The following MED13L variants were observed in gnomAD, a reference collection of about 807,000 sequenced individuals.
The protein encoded by MED13L is mediator complex subunit 13L, also known as mediator of RNA polymerase II transcription subunit 13-like.
In MED13L, 7 loss-of-function variants were observed where a neutral mutation model predicts 220.9. That is an observed-to-expected ratio of 0.03 (90% CI 0.02 to 0.06). MED13L has a LOEUF of 0.06. Ranked by LOEUF, MED13L falls within the 10% of genes least tolerant of loss-of-function variation. The probability of loss-of-function intolerance (pLI) is 1.00; values close to 1 mark genes in which losing one functional copy is unlikely to be tolerated. For synonymous variants in MED13L, 1,011 were observed against 1,015.2 expected (o/e 1.00, Z 0.08); for missense variants, 1,965 against 2,760.5 (o/e 0.71, Z 6.46).
intron 4 of MED13L, among the ~76,000 whole-genome samples, chr12:116,034,076 ACCCC>A (rs1274092775): frequency 2.6e-5 from 4 of 151,792 alleles, no homozygotes; most frequent in Admixed American, 6.6e-5. Context: ...TGTTCATCTA[ACCCC>A]TATTTATATT....
At chr12:116,092,418 G>A (rs1416887832) in intron 4 of MED13L, among the ~76,000 whole-genome samples, 2 of 152,190 alleles carry the variant, frequency 1.3e-5, no homozygotes, top group East Asian at 3.8e-4. Flanking sequence ...AACAGGGCAG[G>A]TTTGCCCATG....
At chr12:116,179,605 T>G (rs1251032543) in intron 2 of MED13L, among the ~76,000 whole-genome samples, 2 of 152,024 alleles carry the variant, frequency 1.3e-5, no homozygotes, top group East Asian at 3.9e-4. Context: ...CATTCAAGAC[T>G]GTCTCCAAAA....
intron 14 of MED13L, among the ~76,000 whole-genome samples, chr12:116,001,043 A>G (rs1005015491): frequency 6.6e-6 from 1 of 152,106 alleles, no homozygotes; most frequent in Non-Finnish European, 1.5e-5. Context: ...ACATGTAAAA[A>G]TAATATTTTG....
At chr12:116,102,128 T>C (rs1873110146) in intron 3 of MED13L, among the ~76,000 whole-genome samples, 2 of 152,062 alleles carry the variant, frequency 1.3e-5, no homozygotes, top group South Asian at 4.1e-4. Flanking sequence ...TGCTGAAAAA[T>C]GAAAATGAAA....
intron 2 of MED13L, among the ~76,000 whole-genome samples, chr12:116,228,100 G>A (rs1869183254): frequency 6.6e-6 from 1 of 151,994 alleles, no homozygotes; most frequent in South Asian, 2.1e-4. Context: ...TCCAGAACAA[G>A]GCACAAACTC....
chr12:116,233,727 G>A (rs1250941370), intron 2 of MED13L, among the ~76,000 whole-genome samples: 1 of 152,152 alleles, frequency 6.6e-6, no homozygotes, highest in African/African-American at 2.4e-5. Context: ...CACAGTTTAA[G>A]TTAAATAATT....
At chr12:116,053,971 G>A (rs1168254699) in intron 4 of MED13L, among the ~76,000 whole-genome samples, 1 of 152,044 alleles carries the variant, frequency 6.6e-6, no homozygotes, top group African/African-American at 2.4e-5. Context: ...TCAAACCTCG[G>A]CTTTGGCCTA....
At chr12:116,079,160 G>A (rs1871038741) in intron 4 of MED13L, among the ~76,000 whole-genome samples, 1 of 151,992 alleles carries the variant, frequency 6.6e-6, no homozygotes, top group East Asian at 1.9e-4. Context: ...ACATGCAGTG[G>A]GTTTATTATT....
intron 2 of MED13L, among the ~76,000 whole-genome samples, chr12:116,136,654 G>A (rs1035848857): frequency 6.6e-6 from 1 of 152,170 alleles, no homozygotes; most frequent in Non-Finnish European, 1.5e-5. Context: ...GCTATGAACA[G>A]AAACCTGCGT....
At chr12:116,155,664 T>C (rs1878372793) in intron 2 of MED13L, among the ~76,000 whole-genome samples, 1 of 152,120 alleles carries the variant, frequency 6.6e-6, no homozygotes, top group African/African-American at 2.4e-5. Flanking sequence ...TGAAGTTACA[T>C]TTTGCCACAC....
chr12:115,970,691 A>G lies in MED13L; in HGVS notation c.5970T>C (p.Asp1990=). 6.2e-7 allele frequency: 1 copy of G among 1,614,132 alleles called. No individual in the cohort carries two copies. ...ACACCAAGATGTGTGTACAAGAAGCATCTTGAGGGGTGTTGAGCTGAGATG... is the reference window on the plus strand; with the variant it reads ...ACACCAAGATGTGTGTACAAGAAGCGTCTTGAGGGGTGTTGAGCTGAGATG... ...MQSSQLNTPQ[D]ASCTHILVFP... The change falls in exon 27 of 31, where the codon GAT becomes GAC. Residue 1990 remains aspartate (D), a synonymous_variant. Transcript: ENST00000281928.
chr12:116,063,947 G>A (rs147575205), intron 4 of MED13L, among the ~76,000 whole-genome samples: 16 of 152,228 alleles, frequency 1.1e-4, no homozygotes, highest in Middle Eastern at 3.4e-3. Context: ...CTTTGAGATG[G>A]TGAGGTGGCC....
At chr12:116,167,057 G>A (rs1465073496) in intron 2 of MED13L, among the ~76,000 whole-genome samples, 1 of 151,964 alleles carries the variant, frequency 6.6e-6, no homozygotes, top group African/African-American at 2.4e-5. Context: ...AAAATTCGAT[G>A]TTCAAAACTA....
chr12:116,144,977 G>T lies in MED13L; in HGVS notation c.311-33465C>A, dbSNP rs1340112994. Among the ~76,000 whole-genome samples the T allele has an allele frequency of 3.3e-5, 5 of 152,188 alleles. No individual in the cohort carries two copies. In the East Asian group the frequency reaches 9.6e-4, roughly 29 times the overall value. Reference sequence around the variant, plus strand: ...CATACCACTTATAAGGTAATTACGTGTATCTGTGCATCTCACAAAATACGC... The same window carrying T: ...CATACCACTTATAAGGTAATTACGTTTATCTGTGCATCTCACAAAATACGC... On this transcript the variant is annotated intron_variant, in intron 2 of 30. Coordinates refer to ENST00000281928, the MANE Select transcript of MED13L (RefSeq NM_015335.5).
At chr12:115,987,054 C>T in intron 18 of MED13L, 55 bp downstream of exon 18, 1 of 1,566,728 alleles carries the variant, frequency 6.4e-7, no homozygotes, top group Non-Finnish European at 8.8e-7. Flanking sequence ...TAACGCTGCT[C>T]TTCACTGAAC....
chr12:116,131,727 C>T (rs1593080099), intron 2 of MED13L, among the ~76,000 whole-genome samples: 1 of 152,272 alleles, frequency 6.6e-6, no homozygotes, highest in South Asian at 2.1e-4. Context: ...ACCTGTAATC[C>T]CAGCACTTTG....
chr12:116,153,248 G>A (rs1202281475), intron 2 of MED13L, among the ~76,000 whole-genome samples: 1 of 152,190 alleles, frequency 6.6e-6, no homozygotes. Flanking sequence ...AGAACTTACT[G>A]AGGGGAGGGG....
Position 115,983,205 on chromosome 12 carries a change from C to A in MED13L, c.4867G>T (p.Ala1623Ser). ...GQNPSTGGIS[A>S]DRTQGNIGCG... ...CCTATGTTCCCTTGCGTTCTATCCGCAGAAATGCCCCCAGTGCTGGGGTTC... is the reference window on the plus strand; with the variant it reads ...CCTATGTTCCCTTGCGTTCTATCCGAAGAAATGCCCCCAGTGCTGGGGTTC... The change falls in exon 21 of 31, where the codon GCG becomes TCG. Residue 1623 changes from alanine (A) to serine (S), a missense_variant. Physicochemically the swap from Ala to Ser is moderately conservative, Grantham distance 99. Around this residue, in one of 10 missense-constraint regions of MED13L, gnomAD observed 510 missense variants for 620.4 expected, o/e 0.82. Coordinates refer to ENST00000281928, the MANE Select transcript of MED13L (RefSeq NM_015335.5). 1 of 1,614,176 alleles carries A rather than the reference C, an allele frequency of 6.2e-7. No homozygotes were observed. The highest frequency in any genetic ancestry group is 8.5e-7 in the Non-Finnish European group (1 of 1,180,008).
At chr12:116,202,817 A>G (rs958056322) in intron 2 of MED13L, among the ~76,000 whole-genome samples, 2 of 152,212 alleles carry the variant, frequency 1.3e-5, no homozygotes, top group African/African-American at 4.8e-5. Flanking sequence ...ATAAGGCTTC[A>G]GAAAAATTAA....
Sources: gnomAD v4.1 joint callset for allele counts (sites outside exome capture counted in the v4.1 genomes callset) on GRCh38, gnomAD v4.1.1 for gene constraint, gnomAD v4.1.1 regional missense constraint, MANE v1.5 for transcripts, NCBI Gene and HGNC (gene_info 2026-07-23, HGNC 2026-07-21) for gene names.